PHTF2: variants seen among roughly 807,000 people sequenced by gnomAD.
The protein encoded by PHTF2 is putative homeodomain transcription factor 2.
A neutral mutation model predicts 101.2 loss-of-function variants in PHTF2; 60 were observed. The observed-to-expected ratio is 0.59, with a 90% CI of 0.48 to 0.73. The LOEUF (loss-of-function observed/expected upper bound fraction) is 0.73. PHTF2 is among the 30% of genes least tolerant of loss of function. The pLI is 0.00. For synonymous variants in PHTF2, 311 were observed against 307.3 expected (o/e 1.01, Z -0.13); for missense variants, 747 against 908.7 (o/e 0.82, Z 2.29).
intron 11 of PHTF2, among the ~76,000 whole-genome samples, chr7:77,924,854 A>G (rs1803811648): frequency 6.6e-6 from 1 of 152,174 alleles, no homozygotes; most frequent in Admixed American, 6.5e-5. Flanking sequence ...GGATTTTGTC[A>G]TTTAATGTGT....
Position 77,940,470 on chromosome 7 carries a change from A to T in PHTF2, c.1741-58A>T, listed in dbSNP as rs546420403. 642 of 1,436,568 alleles carry T rather than the reference A, an allele frequency of 4.5e-4. 2 individuals are homozygous for T. In the African/African-American group the frequency reaches 8.0e-3, roughly 18 times the overall value. 89.0% of individuals were successfully genotyped at this position (1,436,568 alleles called of 1,614,324 possible). ...AATCTTAACAATTCATATTTTGTTA[A>T]TTTTGTTTTTCTGTGGTAATCTACT... On this transcript the variant is annotated intron_variant, in intron 14 of 19. Transcript: ENST00000416283.
chr7:77,884,515 AG>A lies in PHTF2; in HGVS notation c.148-9092del, dbSNP rs977373906. On this transcript the variant is annotated intron_variant, in intron 3 of 19. Transcript: ENST00000416283. Reference sequence around the variant, plus strand: ...TGATTTTCCATTCCTGAGTTGACAAAGTGTATTTTCTGACTGATAACATTTA... The same window carrying A: ...TGATTTTCCATTCCTGAGTTGACAAATGTATTTTCTGACTGATAACATTTA... Among the ~76,000 whole-genome samples, 48 of 152,322 alleles carry A rather than the reference AG, an allele frequency of 3.2e-4. 1 individual carries two copies. The highest frequency in any genetic ancestry group is 1.0e-3 in the African/African-American group (43 of 41,572).
intron 11 of PHTF2, among the ~76,000 whole-genome samples, chr7:77,925,607 T>C (rs1803915084): frequency 7.1e-6 from 1 of 141,390 alleles, no homozygotes; most frequent in Non-Finnish European, 1.5e-5. Flanking sequence ...CCTCCCGGGT[T>C]CAAGTGATTC....
In PHTF2 at chr7:77,940,141, C is replaced by T; in HGVS notation, c.1579C>T (p.Gln527Ter). 1 of 1,613,832 alleles carries T rather than the reference C, an allele frequency of 6.2e-7. No individual in the cohort carries two copies. Among genetic ancestry groups the T allele is most frequent in the Non-Finnish European group, 8.5e-7 (1 of 1,179,798 alleles). The change falls in exon 14 of 20, where the codon CAA (glutamine) becomes TAA (stop). Residue 527 changes from glutamine (Q) to a stop codon, truncating the protein, a stop_gained. Coordinates refer to ENST00000416283, the Ensembl canonical transcript of PHTF2. LOFTEE classifies it high-confidence loss of function. ...ACTTTCTCAAGCTACAGACTTGGAACAACTCACAGCACATTCTGCTTCAGA... is the reference window on the plus strand; with the variant it reads ...ACTTTCTCAAGCTACAGACTTGGAATAACTCACAGCACATTCTGCTTCAGA...
In PHTF2 at chr7:77,836,350, A is replaced by G. The variant is rs555411579; in HGVS notation, c.-35-3871A>G. ...CACTTGGTATAACTTTTATTGAAAA[A>G]ATCCACATGTAAGCGGACCAGCGCA... is the stretch of plus-strand genomic sequence containing the variant. On this transcript the variant is annotated intron_variant, in intron 1 of 19. Transcript: ENST00000416283. 7.9e-5 allele frequency among the ~76,000 whole-genome samples: 12 copies of G among 152,176 alleles called. No individual in the cohort carries two copies. In the South Asian group the frequency reaches 2.5e-3, roughly 32 times the overall value.
At chr7:77,801,194 C>T (rs1040967497) in intron 1 of PHTF2, among the ~76,000 whole-genome samples, 33 of 152,274 alleles carry the variant, frequency 2.2e-4, no homozygotes, top group African/African-American at 7.2e-4. Context: ...ACAATATATA[C>T]AGATTGAGCA....
chr7:77,819,711 C>G (rs1246935781), intron 1 of PHTF2, among the ~76,000 whole-genome samples: 2 of 152,078 alleles, frequency 1.3e-5, no homozygotes, highest in African/African-American at 2.4e-5. Flanking sequence ...TTGTTGTCTT[C>G]TTGTCTAGTT....
chr7:77,900,783 G>A lies in PHTF2; in HGVS notation c.286+3G>A. The A allele has an allele frequency of 6.9e-7, 1 of 1,452,894 alleles. No individual in the cohort carries two copies. Among genetic ancestry groups the A allele is most frequent in the Non-Finnish European group, 9.7e-7 (1 of 1,033,666 alleles). The allele number at this position is 1,452,894 out of a possible 1,614,324, so 90.0% of individuals were successfully genotyped here. A position where few individuals can be genotyped will look rare whatever the true frequency, so the allele number is the denominator to read the frequency against. On this transcript the variant is annotated splice_donor_region_variant and intron_variant, in intron 6 of 19. Coordinates refer to ENST00000416283, the Ensembl canonical transcript of PHTF2. ...CATAGATGTTGATCTTGTAAGAGGT[G>A]AGTCTGATAAATAAATGCTTAATAC...
At chr7:77,819,474 G>A (rs1334508805) in intron 1 of PHTF2, among the ~76,000 whole-genome samples, 1 of 152,110 alleles carries the variant, frequency 6.6e-6, no homozygotes, top group Non-Finnish European at 1.5e-5. Flanking sequence ...TGCTTTTTCT[G>A]TATCTATCAA....
chr7:77,946,271 G>C (rs1429266521), intron 16 of PHTF2, among the ~76,000 whole-genome samples: 2 of 152,188 alleles, frequency 1.3e-5, no homozygotes, highest in Admixed American at 6.5e-5. Context: ...CAAGGACTAG[G>C]AAGTATTGTC....
At chr7:77,816,955 AT>A (rs1793898575) in intron 1 of PHTF2, among the ~76,000 whole-genome samples, 1 of 152,144 alleles carries the variant, frequency 6.6e-6, no homozygotes, top group Non-Finnish European at 1.5e-5. Flanking sequence ...CATTTTCTTT[AT>A]CCATTCATCT....
intron 11 of PHTF2, 106 bp from the exon 11 acceptor site, chr7:77,929,003 A>T: frequency 1.4e-6 from 1 of 714,626 alleles, no homozygotes; most frequent in Non-Finnish European, 2.4e-6. Flanking sequence ...TTGAGGGTGT[A>T]TTTGTTGTTT....
intron 1 of PHTF2, among the ~76,000 whole-genome samples, chr7:77,836,340 T>C (rs1795468721): frequency 6.6e-6 from 1 of 152,050 alleles, no homozygotes. Context: ...GGTATAACTT[T>C]TATTGAAAAA....
intron 1 of PHTF2, among the ~76,000 whole-genome samples, chr7:77,832,942 T>C (rs1288291819): frequency 6.6e-6 from 1 of 151,880 alleles, no homozygotes; most frequent in African/African-American, 2.4e-5. Flanking sequence ...CTAAAAAAGG[T>C]TGGGGACTGC....
chr7:77,824,065 T>C (rs139881919), intron 1 of PHTF2, among the ~76,000 whole-genome samples: 4 of 152,234 alleles, frequency 2.6e-5, no homozygotes, highest in African/African-American at 9.6e-5. Flanking sequence ...GAGAGAAGTT[T>C]GGAGGTATGA....
intron 2 of PHTF2, among the ~76,000 whole-genome samples, chr7:77,845,812 G>C (rs535141893): frequency 6.6e-6 from 1 of 152,238 alleles, no homozygotes; most frequent in East Asian, 1.9e-4. Context: ...TCAGTCTCCT[G>C]GATTCTTTCG....
chr7:77,864,076 A>C (rs1467167922), intron 3 of PHTF2, among the ~76,000 whole-genome samples: 1 of 152,138 alleles, frequency 6.6e-6, no homozygotes. Context: ...CACCTTACCC[A>C]GCCCCACGGA....
At chr7:77,944,714 C>G (rs948478417) in intron 16 of PHTF2, among the ~76,000 whole-genome samples, 1 of 152,142 alleles carries the variant, frequency 6.6e-6, no homozygotes, top group African/African-American at 2.4e-5. Context: ...CCAGCTATTT[C>G]AGTTTGATCA....
chr7:77,931,723 AGATAGGC>A (rs1804587865), intron 12 of PHTF2, among the ~76,000 whole-genome samples: 1 of 152,226 alleles, frequency 6.6e-6, no homozygotes, highest in African/African-American at 2.4e-5. Flanking sequence ...AAACTTTAGA[AGATAGGC>A]ACTATCATTG....
Sources: allele counts gnomAD v4.1 joint callset (sites outside exome capture counted in the v4.1 genomes callset), GRCh38; gene constraint gnomAD v4.1.1; transcripts MANE v1.5; gene names NCBI Gene and HGNC (gene_info 2026-07-23, HGNC 2026-07-21).